The following MYBL2 variants were observed in gnomAD, a reference collection of about 807,000 sequenced individuals.
MYBL2 encodes the protein myb-related protein B.
Under a neutral mutation model 79.9 loss-of-function variants are expected in MYBL2, and 28 were observed. That is an observed-to-expected ratio of 0.35 (90% confidence interval 0.26 to 0.48). The LOEUF (loss-of-function observed/expected upper bound fraction) is 0.48. Among genes scored for constraint, MYBL2 ranks in the 20% least tolerant of loss-of-function variants. MYBL2 has a pLI of 0.99. For synonymous variants in MYBL2, 378 were observed against 361.2 expected (o/e 1.05, Z -0.53); for missense variants, 735 against 893.9 (o/e 0.82, Z 2.27).
At chr20:43,671,405 C>G (rs1406504928) in intron 1 of MYBL2, among the ~76,000 whole-genome samples, 1 of 151,650 alleles carries the variant, frequency 6.6e-6, no homozygotes, top group Non-Finnish European at 1.5e-5. Context: ...ATCCACCCAC[C>G]TCGGCCTCCC....
intron 1 of MYBL2, 43 bp downstream of exon 1, chr20:43,667,346 A>G: frequency 8.8e-7 from 1 of 1,137,246 alleles, no homozygotes; most frequent in Non-Finnish European, 1.1e-6. Flanking sequence ...CCCTCCCTTT[A>G]ACTCACCCCT....
chr20:43,711,737 C>T (rs576792288), intron 11 of MYBL2, 136 bp downstream of exon 11: 44 of 715,194 alleles, frequency 6.2e-5, no homozygotes, highest in Non-Finnish European at 8.2e-5. Context: ...TGCCCCCTTT[C>T]GCACGGTGGT....
intron 13 of MYBL2, 131 bp from the exon 14 acceptor site, chr20:43,715,828 G>C: frequency 7.9e-7 from 1 of 1,261,502 alleles, no homozygotes; most frequent in Admixed American, 2.3e-5. Context: ...GGAATGTGGA[G>C]AGAGAATAAG....
chr20:43,712,024 G>A lies in MYBL2; in HGVS notation c.1719+423G>A, dbSNP rs1009686916. Among the ~76,000 whole-genome samples, 6 of 151,850 alleles carry A rather than the reference G, an allele frequency of 4.0e-5. 1 individual carries two copies. The highest frequency in any genetic ancestry group is 1.4e-4 in the African/African-American group (6 of 41,412). The stretch of plus-strand genomic sequence containing the variant: ...CCAAAGGAATCTTTTGGGTGGAGGC[G>A]AGGCGGTCGGGATGAGCCAGCCAGG... On this transcript the variant is annotated intron_variant, in intron 11 of 13. Coordinates refer to ENST00000217026, the MANE Select transcript of MYBL2 (RefSeq NM_002466.4).
At chr20:43,707,499 C>T (rs1014980661) in intron 9 of MYBL2, among the ~76,000 whole-genome samples, 1 of 152,134 alleles carries the variant, frequency 6.6e-6, no homozygotes, top group African/African-American at 2.4e-5. Flanking sequence ...GAAGGCCATC[C>T]TTTAACCATG....
chr20:43,708,586 G>A (rs769472741), intron 9 of MYBL2, among the ~76,000 whole-genome samples: 4 of 152,036 alleles, frequency 2.6e-5, no homozygotes, highest in Non-Finnish European at 5.9e-5. Flanking sequence ...GCACCACCAT[G>A]GCTGGCTGAT....
chr20:43,705,933 C>T (rs987886512), intron 9 of MYBL2, among the ~76,000 whole-genome samples: 5 of 149,706 alleles, frequency 3.3e-5, no homozygotes, highest in African/African-American at 9.9e-5. Context: ...ATCTCCTGAC[C>T]TCGTGATCCT....
At position 43,672,992 on chromosome 20, in the gene MYBL2, G is replaced by C. The variant is rs771823935; in HGVS notation, c.21-814G>C. On this transcript the variant is annotated intron_variant, in intron 1 of 13. Transcript: ENST00000217026. Reference sequence around the variant, plus strand: ...ACAGTCTTGCTTTGTCACCCAGGCTGGAGTGCAGTGACATGATCTCGGCTC... The same window carrying C: ...ACAGTCTTGCTTTGTCACCCAGGCTCGAGTGCAGTGACATGATCTCGGCTC... Among the ~76,000 whole-genome samples the C allele has an allele frequency of 3.6e-4, 55 of 152,094 alleles. 1 individual carries two copies. Among genetic ancestry groups the C allele is most frequent in the Admixed American group, 1.5e-3 (23 of 15,254 alleles).
At chr20:43,711,226 G>A (rs2145735115) in intron 10 of MYBL2, among the ~76,000 whole-genome samples, 1 of 152,326 alleles carries the variant, frequency 6.6e-6, no homozygotes, top group African/African-American at 2.4e-5. Flanking sequence ...GACGGTTACT[G>A]CACAGGGCTG....
At chr20:43,685,218 T>A (rs1006893506) in intron 4 of MYBL2, among the ~76,000 whole-genome samples, 14 of 151,762 alleles carry the variant, frequency 9.2e-5, no homozygotes, top group Admixed American at 8.5e-4. Flanking sequence ...TTCGCTCTTG[T>A]TGCCCAGGCT....
Position 43,692,307 on chromosome 20 carries a change from C to A in MYBL2, c.651C>A (p.Pro217=). 1.9e-6 allele frequency: 3 copies of A among 1,614,078 alleles called. No homozygotes were observed. The highest frequency in any genetic ancestry group is 1.7e-6 in the Non-Finnish European group (2 of 1,179,960). ...EDKDGLQSAQ[P]TEGQGSLLTN... is the part of the protein sequence containing the mutation. ...AGGACGGCCTCCAGAGTGCCCAGCC[C>A]ACGGAAGGCCAGGTGAGACAGCTGC... Residue 217 remains proline (P), a synonymous_variant, in exon 6 of 14, where the codon CCC becomes CCA. Coordinates refer to ENST00000217026, the MANE Select transcript of MYBL2 (RefSeq NM_002466.4).
rs369875337 is a variant in MYBL2 at position 43,682,853 on chromosome 20, C to G, written c.246C>G (p.Val82=). 3.7e-6 allele frequency: 6 copies of G among 1,613,942 alleles called. No individual in the cohort carries two copies. Among genetic ancestry groups the G allele is most frequent in the Non-Finnish European group, 5.1e-6 (6 of 1,179,956 alleles). Residue 82 remains valine (V), a synonymous_variant, in exon 4 of 14, where the codon GTC becomes GTG. Transcript: ENST00000217026. ...TGAGAGTTTTGAATCCAGACCTTGT[C>G]AAGGGGCCATGGACCAAAGAGGAAG... ...RWLRVLNPDL[V]KGPWTKEEDQ...
chr20:43,685,338 G>T (rs910222502), intron 4 of MYBL2, among the ~76,000 whole-genome samples: 1 of 151,156 alleles, frequency 6.6e-6, no homozygotes, highest in South Asian at 2.1e-4. Flanking sequence ...ATGCTACCAC[G>T]CCTGGCTGAT....
chr20:43,713,131 G>A, intron 12 of MYBL2, 25 bp downstream of exon 12: 1 of 1,573,296 alleles, frequency 6.4e-7, no homozygotes, highest in Non-Finnish European at 8.7e-7. Context: ...CCTTGGAACT[G>A]TTGAGTTTTG....
chr20:43,695,686 CA>C (rs3091981), intron 6 of MYBL2, among the ~76,000 whole-genome samples: 136,833 of 150,254 alleles, frequency 0.91, 62,204 homozygotes, highest in South Asian at 0.93. Context: ...ACTGTCTTTA[CA>C]AAAAAAAAAA....
Position 43,667,184 on chromosome 20 carries a change from C to T in MYBL2, c.-100C>T. 1.2e-6 allele frequency: 1 copy of T among 822,738 alleles called. No individual in the cohort carries two copies. The highest frequency in any genetic ancestry group is 1.6e-6 in the Non-Finnish European group (1 of 639,412). 51.0% of individuals were successfully genotyped at this position (822,738 alleles called of 1,614,324 possible). On this transcript the variant is annotated 5_prime_UTR_variant, in exon 1 of 14. Transcript: ENST00000217026. ...TGACGCCTTCGAGCGCGGCCCGGGG[C>T]CCGGAGCGGCCGGAGCAGCCCGGGT...
chr20:43,667,288 C>T lies in MYBL2; in HGVS notation c.5C>T (p.Ser2Phe). The T allele has an allele frequency of 1.6e-6, 2 of 1,228,320 alleles. No homozygotes were observed. Among genetic ancestry groups the T allele is most frequent in the Non-Finnish European group, 2.0e-6 (2 of 985,262 alleles). The allele number at this position is 1,228,320 out of a possible 1,614,324, so 76.1% of individuals were successfully genotyped here. The change falls in exon 1 of 14, where the codon TCT becomes TTT. Residue 2 changes from serine (S) to phenylalanine (F), a missense_variant. Coordinates refer to ENST00000217026, the MANE Select transcript of MYBL2 (RefSeq NM_002466.4). Reference sequence around the variant, plus strand: ...GGCGCGGTCCGGGCCGGGGGGATGTCTCGGCGGACGCGCTGGTGAGACGAG... The same window carrying T: ...GGCGCGGTCCGGGCCGGGGGGATGTTTCGGCGGACGCGCTGGTGAGACGAG... M[S>F]RRTRCEDLDE...
intron 2 of MYBL2, among the ~76,000 whole-genome samples, chr20:43,677,287 G>T (rs1027349088): frequency 3.9e-5 from 6 of 152,156 alleles, no homozygotes; most frequent in Non-Finnish European, 7.3e-5. Flanking sequence ...GTGGTCATCC[G>T]CGGCACCGGT....
At chr20:43,684,551 T>TA (rs1987222867) in intron 4 of MYBL2, among the ~76,000 whole-genome samples, 1 of 150,378 alleles carries the variant, frequency 6.6e-6, no homozygotes, top group African/African-American at 2.4e-5. Flanking sequence ...TTTTTTTTTT[T>TA]AATTTGTAGA....
Sources: allele counts gnomAD v4.1 joint callset (sites outside exome capture counted in the v4.1 genomes callset), GRCh38; gene constraint gnomAD v4.1.1; transcripts MANE v1.5; gene names NCBI Gene and HGNC (gene_info 2026-07-23, HGNC 2026-07-21).